MALRD1: variants seen among roughly 807,000 people sequenced by gnomAD.
MALRD1 encodes MAM and LDL receptor class A domain containing 1, also known as MAM and LDL-receptor class A domain-containing protein 1.
MALRD1 carries 247 observed loss-of-function variants against 242.1 expected under a neutral mutation model. The ratio of observed to expected loss-of-function variants is 1.02; its 90% CI spans 0.92 to 1.13. The LOEUF is 1.13. MALRD1 is among the 50% of genes most tolerant of loss of function. The pLI, the probability that MALRD1 is intolerant of heterozygous loss-of-function variation, is 0.00. For synonymous variants in MALRD1, 995 were observed against 866.6 expected (o/e 1.15, Z -2.60); for missense variants, 2,989 against 2,533.1 (o/e 1.18, Z -3.86).
Position 19,491,563 on chromosome 10 carries a change from C to T in MALRD1, c.5076C>T (p.Cys1692=), listed in dbSNP as rs1419455002. 5.2e-6 allele frequency: 8 copies of T among 1,549,962 alleles called. No individual in the cohort carries two copies. The highest frequency in any genetic ancestry group is 7.0e-6 in the Non-Finnish European group (8 of 1,146,782). ...GTCCGGAAATCACTGATTTTTTGTG[C>T]CGGGACAAGAAGTGCATTGCATCCC... ...ELCPEITDFL[C]RDKKCIASHL... Residue 1692 remains cysteine (C), a synonymous_variant, in exon 30 of 40, where the codon TGC becomes TGT. Coordinates refer to ENST00000454679, the MANE Select transcript of MALRD1 (RefSeq NM_001142308.3).
chr10:19,472,658 A>G (rs1365609952), intron 29 of MALRD1, among the ~76,000 whole-genome samples: 3 of 151,404 alleles, frequency 2.0e-5, no homozygotes, highest in Non-Finnish European at 4.4e-5. Context: ...GAATTTATCT[A>G]TTTCTTTTAA....
chr10:19,099,806 C>T (rs1836185722), intron 4 of MALRD1, among the ~76,000 whole-genome samples: 1 of 150,820 alleles, frequency 6.6e-6, no homozygotes, highest in East Asian at 1.9e-4. Context: ...CACTCTGTCA[C>T]CCAGGTTGGC....
chr10:19,280,177 T>A lies in MALRD1; in HGVS notation c.3210T>A (p.Cys1070Ter), dbSNP rs771582717. The A allele has an allele frequency of 2.6e-6, 4 of 1,538,896 alleles. No individual in the cohort carries two copies. Among genetic ancestry groups the A allele is most frequent in the Non-Finnish European group, 3.5e-6 (4 of 1,143,270 alleles). The change falls in exon 20 of 40, where the codon TGT becomes TGA. Residue 1070 changes from cysteine to a stop codon, truncating the protein, a stop_gained. Coordinates refer to ENST00000454679, the MANE Select transcript of MALRD1 (RefSeq NM_001142308.3). LOFTEE classifies it high-confidence loss of function. Reference protein sequence around the residue: ...DGHCIEKMQKCDFKYDCPDKS... With the variant: ...DGHCIEKMQK Reference sequence around the variant, plus strand: ...ACTGCATTGAAAAAATGCAGAAATGTGATTTTAAATATGACTGCCCTGACA... The same window carrying A: ...ACTGCATTGAAAAAATGCAGAAATGAGATTTTAAATATGACTGCCCTGACA...
intron 13 of MALRD1, among the ~76,000 whole-genome samples, chr10:19,169,897 A>G (rs1333439089): frequency 2.0e-5 from 3 of 152,198 alleles, no homozygotes; most frequent in Non-Finnish European, 4.4e-5. Flanking sequence ...ACATATTTAT[A>G]CAGTACAGTG....
chr10:19,661,358 C>T (rs2131733514), intron 36 of MALRD1, among the ~76,000 whole-genome samples: 1 of 152,278 alleles, frequency 6.6e-6, no homozygotes, highest in African/African-American at 2.4e-5. Context: ...CAGCACTATT[C>T]ACAATAGCAA....
chr10:19,455,738 G>A (rs1471970200), intron 29 of MALRD1, among the ~76,000 whole-genome samples: 1 of 152,112 alleles, frequency 6.6e-6, no homozygotes, highest in Non-Finnish European at 1.5e-5. Flanking sequence ...ATTCTGTTTT[G>A]TTCCTTCATT....
chr10:19,082,639 T>C (rs1189833359), intron 2 of MALRD1, among the ~76,000 whole-genome samples: 1 of 137,460 alleles, frequency 7.3e-6, no homozygotes, highest in Non-Finnish European at 1.6e-5. Context: ...TCTTCTTGTT[T>C]CTTTGCATTT....
At chr10:19,232,743 A>G (rs1045749911) in intron 18 of MALRD1, among the ~76,000 whole-genome samples, 3 of 152,216 alleles carry the variant, frequency 2.0e-5, no homozygotes, top group African/African-American at 7.2e-5. Flanking sequence ...AATCAAAAGT[A>G]TACATACAAG....
chr10:19,578,214 G>A (rs1332626646), intron 33 of MALRD1, among the ~76,000 whole-genome samples: 1 of 152,122 alleles, frequency 6.6e-6, no homozygotes, highest in Admixed American at 6.5e-5. Flanking sequence ...TTGTTTTGCA[G>A]TAGCATCTTA....
intron 28 of MALRD1, among the ~76,000 whole-genome samples, chr10:19,443,143 T>G (rs529192744): frequency 6.6e-6 from 1 of 152,358 alleles, no homozygotes; most frequent in East Asian, 1.9e-4. Context: ...TAGTTTGTAT[T>G]TCTGTGGGAT....
chr10:19,206,336 T>C (rs890008914), intron 17 of MALRD1, among the ~76,000 whole-genome samples: 2 of 152,164 alleles, frequency 1.3e-5, no homozygotes, highest in African/African-American at 2.4e-5. Flanking sequence ...ATGCATCTCA[T>C]GAAATTTACA....
intron 31 of MALRD1, among the ~76,000 whole-genome samples, chr10:19,504,421 G>T (rs1304102748): frequency 1.3e-5 from 2 of 151,552 alleles, no homozygotes; most frequent in East Asian, 3.9e-4. Context: ...TGATAGAGTA[G>T]AGAGAGACTC....
At chr10:19,462,642 C>G (rs1390188069) in intron 29 of MALRD1, among the ~76,000 whole-genome samples, 1 of 152,212 alleles carries the variant, frequency 6.6e-6, no homozygotes, top group Non-Finnish European at 1.5e-5. Context: ...ATTCTTAGAA[C>G]ATGATATTTT....
intron 36 of MALRD1, among the ~76,000 whole-genome samples, chr10:19,674,797 C>T (rs1391529544): frequency 6.6e-6 from 1 of 151,838 alleles, no homozygotes; most frequent in African/African-American, 2.4e-5. Context: ...TTTCTATTGA[C>T]TTGCAGCCAT....
intron 29 of MALRD1, chr10:19,489,409 T>C: frequency 1.8e-6 from 1 of 559,256 alleles, no homozygotes; most frequent in Admixed American, 1.9e-5. Context: ...ATTAATACTA[T>C]GTACCATGTC....
chr10:19,290,899 C>T (rs930956824), intron 21 of MALRD1, among the ~76,000 whole-genome samples: 1 of 152,018 alleles, frequency 6.6e-6, no homozygotes. Flanking sequence ...TCTCAGAGTC[C>T]TGTACTCTGA....
chr10:19,235,682 G>A (rs771398357), intron 18 of MALRD1, among the ~76,000 whole-genome samples: 1 of 147,920 alleles, frequency 6.8e-6, no homozygotes, highest in Non-Finnish European at 1.5e-5. Flanking sequence ...AGAATGAATG[G>A]AAAGGATTCA....
chr10:19,280,373 T>C, intron 20 of MALRD1, 150 bp downstream of exon 20: 3 of 566,986 alleles, frequency 5.3e-6, no homozygotes, highest in Non-Finnish European at 8.0e-6. Flanking sequence ...ATACAGAAAA[T>C]TGTAATGGAA....
rs187822537 is a variant in MALRD1 at position 19,647,969 on chromosome 10, C to G, written c.6137+32046C>G. On this transcript the variant is annotated intron_variant, in intron 36 of 39. Coordinates refer to ENST00000454679, the MANE Select transcript of MALRD1 (RefSeq NM_001142308.3). ...AGACTCTCTGCCTGGGGATAATTTC[C>G]CAATTGTGGCACAGAATGTAAGTGT... is the stretch of plus-strand genomic sequence containing the variant. Among the ~76,000 whole-genome samples the G allele has an allele frequency of 2.2e-3, 327 of 152,088 alleles. 1 individual carries two copies. Among genetic ancestry groups the G allele is most frequent in the Non-Finnish European group, 3.0e-3 (206 of 68,010 alleles).
Sources: gnomAD v4.1 joint callset for allele counts (sites outside exome capture counted in the v4.1 genomes callset) on GRCh38, gnomAD v4.1.1 for gene constraint, MANE v1.5 for transcripts, NCBI Gene and HGNC (gene_info 2026-07-23, HGNC 2026-07-21) for gene names.